The following TSHR variants were observed in gnomAD, a reference collection of about 807,000 sequenced individuals.
TSHR encodes the protein thyrotropin receptor.
Under a neutral mutation model 64.1 loss-of-function variants are expected in TSHR, and 51 were observed. The observed-to-expected ratio is 0.80, with a 90% CI of 0.64 to 1.01. The LOEUF is 1.01. TSHR is among the 50% of genes least tolerant of loss of function. The pLI is 0.00. For missense variants in TSHR, 877 were observed against 942.8 expected (o/e 0.93, Z 0.91); for synonymous variants, 361 against 361.9 (o/e 1.00, Z 0.03).
Position 81,030,251 on chromosome 14 carries a change from GAATTTAAA to G in TSHR, c.171-31893_171-31886del, listed in dbSNP as rs529652891. On this transcript the variant is annotated intron_variant, in intron 1 of 9. Transcript: ENST00000298171. The stretch of plus-strand genomic sequence containing the variant: ...TTGCCTGCTCTCTGATACTAAAACA[GAATTTAAA>G]AATGAACCTAGTTCATTTTTTTTCT... Among the ~76,000 whole-genome samples the G allele has an allele frequency of 4.2e-3, 633 of 152,190 alleles. 1 individual carries two copies. Among genetic ancestry groups the G allele is most frequent in the Middle Eastern group, 6.8e-3 (2 of 294 alleles).
rs771027875 is a variant in TSHR, at chr14:81,092,570, G to T, written c.507G>T (p.Val169=). Residue 169 remains valine, a synonymous_variant, in exon 6 of 10, where the codon GTG becomes GTT. Coordinates refer to ENST00000298171, the MANE Select transcript of TSHR (RefSeq NM_000369.5). ...TDNPYMTSIP[V]NAFQGLCNET... ...ACCCTTACATGACGTCAATCCCTGT[G>T]AATGCTTTTCAGGGACTATGCAATG... is the stretch of plus-strand genomic sequence containing the variant. The T allele has an allele frequency of 6.2e-7, 1 of 1,614,106 alleles. No homozygotes were observed. The highest frequency in any genetic ancestry group is 1.7e-5 in the Admixed American group (1 of 60,012).
At chr14:81,136,580 G>A (rs1891464262) in intron 8 of TSHR, among the ~76,000 whole-genome samples, 2 of 152,182 alleles carry the variant, frequency 1.3e-5, no homozygotes, top group Admixed American at 1.3e-4. Flanking sequence ...CATCCAGGTG[G>A]AGATATCAAA....
chr14:81,128,107 A>G (rs149766915), intron 8 of TSHR, among the ~76,000 whole-genome samples: 1 of 152,300 alleles, frequency 6.6e-6, no homozygotes, highest in Admixed American at 6.5e-5. Flanking sequence ...CTGAGTTATA[A>G]AGCAATTTTA....
Position 81,139,873 on chromosome 14 carries a change from T to G in TSHR, c.881+6T>G. 1 of 1,614,206 alleles carries G rather than the reference T, an allele frequency of 6.2e-7. No homozygotes were observed. The highest frequency in any genetic ancestry group is 8.5e-7 in the Non-Finnish European group (1 of 1,180,026). The stretch of plus-strand genomic sequence containing the variant: ...AATCAGAAGAAAATCAGAGGGTAAG[T>G]GGCAGGGACCCGGCATAAGTGACAA... On this transcript the variant is annotated splice_donor_region_variant and intron_variant, in intron 9 of 9. Coordinates refer to ENST00000298171, the MANE Select transcript of TSHR (RefSeq NM_000369.5).
intron 1 of TSHR, among the ~76,000 whole-genome samples, chr14:81,036,649 A>G (rs1469662614): frequency 6.6e-6 from 1 of 152,216 alleles, no homozygotes; most frequent in Non-Finnish European, 1.5e-5. Context: ...TATGAAAAAA[A>G]GAAAGTATAA....
At chr14:81,021,980 C>A (rs756351166) in intron 1 of TSHR, among the ~76,000 whole-genome samples, 1 of 151,848 alleles carries the variant, frequency 6.6e-6, no homozygotes, top group Non-Finnish European at 1.5e-5. Context: ...TTACAGTAAT[C>A]GGCCGCGTGC....
rs188521794 is a variant in TSHR, at chr14:81,113,308, G to C, written c.692+4856G>C. On this transcript the variant is annotated intron_variant, in intron 8 of 9. Coordinates refer to ENST00000298171, the MANE Select transcript of TSHR (RefSeq NM_000369.5). ...ATGAGAGAAACGAAGGAATCAAGGA[G>C]AACTGTAATTATTTTTGACTGAGCA... 1.5e-4 allele frequency among the ~76,000 whole-genome samples: 23 copies of C among 152,312 alleles called. No individual in the cohort carries two copies. In the East Asian group the frequency reaches 4.4e-3, roughly 29 times the overall value.
chr14:81,110,343 T>A (rs571752915), intron 8 of TSHR, among the ~76,000 whole-genome samples: 1 of 152,270 alleles, frequency 6.6e-6, no homozygotes, highest in South Asian at 2.1e-4. Context: ...ACAGGTGGCC[T>A]CATAAGACAA....
At chr14:81,082,060 C>T (rs1328323834) in intron 3 of TSHR, among the ~76,000 whole-genome samples, 1 of 152,078 alleles carries the variant, frequency 6.6e-6, no homozygotes, top group Non-Finnish European at 1.5e-5. Context: ...CAGCCCAGAC[C>T]CAGGAAAAGT....
intron 1 of TSHR, among the ~76,000 whole-genome samples, chr14:81,038,378 A>C (rs189882439): frequency 6.6e-6 from 1 of 151,926 alleles, no homozygotes; most frequent in Non-Finnish European, 1.5e-5. Flanking sequence ...CTACATCAAA[A>C]AAATAGAAAG....
intron 1 of TSHR, among the ~76,000 whole-genome samples, chr14:80,971,872 C>T (rs1443791335): frequency 6.6e-6 from 1 of 152,166 alleles, no homozygotes; most frequent in South Asian, 2.1e-4. Context: ...ACCAATAATA[C>T]TTGTAGTGGT....
At chr14:81,011,165 T>C (rs1460219084) in intron 1 of TSHR, among the ~76,000 whole-genome samples, 1 of 152,186 alleles carries the variant, frequency 6.6e-6, no homozygotes, top group Non-Finnish European at 1.5e-5. Context: ...ACTAGCTTCA[T>C]AAAATGAATT....
At chr14:80,956,718 A>T (rs1351798277) in intron 1 of TSHR, among the ~76,000 whole-genome samples, 1 of 152,228 alleles carries the variant, frequency 6.6e-6, no homozygotes, top group African/African-American at 2.4e-5. Flanking sequence ...AAATGTTGAT[A>T]GATGAAAAGA....
chr14:81,033,273 A>T (rs967803854), intron 1 of TSHR: 5 of 473,878 alleles, frequency 1.1e-5, no homozygotes, highest in Non-Finnish European at 2.1e-5. Flanking sequence ...TTGTCCAAGA[A>T]TACATCGAAA....
chr14:81,127,033 G>A (rs1220191593), intron 8 of TSHR, among the ~76,000 whole-genome samples: 1 of 152,214 alleles, frequency 6.6e-6, no homozygotes, highest in Non-Finnish European at 1.5e-5. Context: ...TCTGTAGCAG[G>A]TTTTACTTGT....
rs547818236 is a variant in TSHR at position 80,996,637 on chromosome 14, G to C, written c.170+40787G>C. ...TGTTCGAGCAATCAGGAAAATCTGG[G>C]CTTTAAGCAGTGGCACCACTACGAA... On this transcript the variant is annotated intron_variant, in intron 1 of 9. Coordinates refer to ENST00000298171, the MANE Select transcript of TSHR (RefSeq NM_000369.5). Among the ~76,000 whole-genome samples, 5 of 152,198 alleles carry C rather than the reference G, an allele frequency of 3.3e-5. No homozygotes were observed. The East Asian group carries it at 5.8e-4, about 18-fold the overall frequency.
chr14:81,011,582 A>G (rs551971101), intron 1 of TSHR, among the ~76,000 whole-genome samples: 2 of 152,008 alleles, frequency 1.3e-5, no homozygotes, highest in African/African-American at 4.8e-5. Flanking sequence ...CAATTTTGCT[A>G]CATGTTTATC....
intron 1 of TSHR, among the ~76,000 whole-genome samples, chr14:81,010,686 C>A (rs892738872): frequency 2.6e-5 from 4 of 151,968 alleles, no homozygotes; most frequent in African/African-American, 7.2e-5. Context: ...TGTCTTATTG[C>A]ATTCATTAGA....
intron 8 of TSHR, among the ~76,000 whole-genome samples, chr14:81,125,591 G>C (rs1191525109): frequency 6.6e-6 from 1 of 152,082 alleles, no homozygotes; most frequent in African/African-American, 2.4e-5. Flanking sequence ...GGGAAATTGA[G>C]CCCCAAATAC....
Sources: allele counts gnomAD v4.1 joint callset (sites outside exome capture counted in the v4.1 genomes callset), GRCh38; gene constraint gnomAD v4.1.1; transcripts MANE v1.5; gene names NCBI Gene and HGNC (gene_info 2026-07-23, HGNC 2026-07-21).